The following PLXNA1 variants were observed in gnomAD, a reference collection of about 807,000 sequenced individuals.
The protein encoded by PLXNA1 is plexin A1.
Under a neutral mutation model 191.7 loss-of-function variants are expected in PLXNA1, and 77 were observed. That is an observed-to-expected ratio of 0.40 (90% confidence interval 0.33 to 0.49). PLXNA1 has a LOEUF of 0.49. Among genes scored for constraint, PLXNA1 ranks in the 20% least tolerant of loss-of-function variants. The probability of loss-of-function intolerance (pLI) is 0.63; values close to 1 mark genes in which losing one functional copy is unlikely to be tolerated. For synonymous variants in PLXNA1, 1,137 were observed against 1,156.4 expected (o/e 0.98, Z 0.34); for missense variants, 2,110 against 2,660.2 (o/e 0.79, Z 4.55).
intron 2 of PLXNA1, among the ~76,000 whole-genome samples, chr3:126,990,037 C>T (rs973731547): frequency 5.9e-5 from 9 of 152,250 alleles, no homozygotes; most frequent in South Asian, 2.1e-4. Context: ...GATGGGGTGA[C>T]GAGGCCCTGC....
rs1355260453 is a variant in PLXNA1, at chr3:127,032,813, T to C, written c.5572T>C (p.Tyr1858His). ...GAGCGCCTTGCACGAGATCTACTCC[T>C]ACATCACCAAGTACAAGGATGAGGT... ...SMSALHEIYSYITKYKDEILA... is the reference protein window; with the variant it reads ...SMSALHEIYSHITKYKDEILA... Residue 1858 changes from tyrosine (Y) to histidine (H), a missense_variant, in exon 31 of 32, where the codon TAC (tyrosine) becomes CAC (histidine). Physicochemically the swap from Tyr to His is moderately conservative, Grantham distance 83 (BLOSUM62 2). Transcript: ENST00000393409. 1.9e-6 allele frequency: 3 copies of C among 1,613,096 alleles called. No homozygotes were observed. The highest frequency in any genetic ancestry group is 1.3e-5 in the African/African-American group (1 of 74,940).
chr3:126,996,691 C>G (rs1380544153), intron 3 of PLXNA1, among the ~76,000 whole-genome samples: 1 of 152,190 alleles, frequency 6.6e-6, no homozygotes, highest in African/African-American at 2.4e-5. Context: ...GCTGCTGTCC[C>G]CCACCATTGA....
Position 127,003,441 on chromosome 3 carries a change from C to G in PLXNA1, c.1489C>G (p.Gln497Glu). The change falls in exon 4 of 32, where the codon CAG becomes GAG. Residue 497 changes from glutamine (Q) to glutamate (E), a missense_variant. Gln to Glu is a conservative substitution (Grantham distance 29). Coordinates refer to ENST00000393409, the MANE Select transcript of PLXNA1 (RefSeq NM_032242.4). ...LRDLVLSPNH[Q>E]YLYAMTEKQV... The stretch of plus-strand genomic sequence containing the variant: ...AGACCTCGTCCTCAGCCCCAACCAC[C>G]AGTACCTCTACGCCATGACCGAGAA... 1 of 1,611,518 alleles carries G rather than the reference C, an allele frequency of 6.2e-7. No individual in the cohort carries two copies. The highest frequency in any genetic ancestry group is 1.3e-5 in the African/African-American group (1 of 74,874).
intron 3 of PLXNA1, among the ~76,000 whole-genome samples, chr3:127,000,432 C>T (rs2079034588): frequency 6.6e-6 from 1 of 152,286 alleles, no homozygotes; most frequent in African/African-American, 2.4e-5. Context: ...GGCACGTGGG[C>T]TCCCGGCCGG....
At chr3:127,019,760 G>A (rs1245062615) in intron 20 of PLXNA1, among the ~76,000 whole-genome samples, 1 of 152,218 alleles carries the variant, frequency 6.6e-6, no homozygotes, top group Non-Finnish European at 1.5e-5. Flanking sequence ...CCTGAGCAGG[G>A]TGGGCCATGT....
chr3:127,029,819 G>T, intron 27 of PLXNA1, 55 bp from the exon 28 acceptor site: 1 of 1,490,778 alleles, frequency 6.7e-7, no homozygotes, highest in Non-Finnish European at 9.0e-7. Flanking sequence ...AAACAGGCTC[G>T]GGCGGGGGGT....
At chr3:126,994,490 G>T (rs1400612877) in intron 3 of PLXNA1, among the ~76,000 whole-genome samples, 2 of 150,644 alleles carry the variant, frequency 1.3e-5, no homozygotes, top group African/African-American at 4.9e-5. Context: ...CTGGGTTTGG[G>T]GTGAGGGGCC....
At chr3:127,015,978 C>T (rs2079121018) in intron 15 of PLXNA1, among the ~76,000 whole-genome samples, 1 of 152,164 alleles carries the variant, frequency 6.6e-6, no homozygotes, top group Admixed American at 6.5e-5. Context: ...AAGGTGTCTG[C>T]CTGGCCCAGG....
In PLXNA1 at chr3:127,032,852, G is replaced by T; in HGVS notation, c.5595+16G>T. ...CAAGGATGAGGTGAACACCGTGGGAGCCCACAGGCTGGGCTAGGAGGGCTT... is the reference window on the plus strand; with the variant it reads ...CAAGGATGAGGTGAACACCGTGGGATCCCACAGGCTGGGCTAGGAGGGCTT... On this transcript the variant is annotated intron_variant, in intron 31 of 31. Transcript: ENST00000393409. 1 of 1,610,780 alleles carries T rather than the reference G, an allele frequency of 6.2e-7. No individual in the cohort carries two copies. The highest frequency in any genetic ancestry group is 1.3e-5 in the African/African-American group (1 of 75,060).
At chr3:127,016,265 C>A (rs1011784236) in intron 15 of PLXNA1, among the ~76,000 whole-genome samples, 11 of 152,122 alleles carry the variant, frequency 7.2e-5, no homozygotes, top group African/African-American at 2.2e-4. Context: ...GAAAGCAGAC[C>A]TGGAGAGGCG....
At position 127,006,123 on chromosome 3, in the gene PLXNA1, G is replaced by C; in HGVS notation, c.1942G>C (p.Gly648Arg). The C allele has an allele frequency of 6.2e-7, 1 of 1,613,938 alleles. No homozygotes were observed. ...ACTCTACCTAAAGTCCAAGGAGACA[G>C]GGAAGAAGTTTGCGTCTGTGGACTT... ...VKLYLKSKET[G>R]KKFASVDFVF... Residue 648 changes from glycine (G) to arginine (R), a missense_variant, in exon 8 of 32, where the codon GGG (glycine) becomes CGG (arginine). Transcript: ENST00000393409.
At chr3:126,994,982 GC>G (rs1230332161) in intron 3 of PLXNA1, among the ~76,000 whole-genome samples, 3 of 152,026 alleles carry the variant, frequency 2.0e-5, no homozygotes, top group Non-Finnish European at 2.9e-5. Flanking sequence ...GGGACCCCCA[GC>G]CCACGCTTGA....
At position 126,988,578 on chromosome 3, in the gene PLXNA1, A is replaced by C. The variant is rs1490303631; in HGVS notation, c.-16A>C. The C allele has an allele frequency of 3.4e-6, 5 of 1,474,770 alleles. No individual in the cohort carries two copies. The Admixed American group carries it at 1.3e-4, about 37-fold the overall frequency. 91.4% of individuals were successfully genotyped at this position (1,474,770 alleles called of 1,614,324 possible). On this transcript the variant is annotated 5_prime_UTR_variant, in exon 2 of 32. Coordinates refer to ENST00000393409, the MANE Select transcript of PLXNA1 (RefSeq NM_032242.4). ...CAGCAGGACCAGAGCACCGAGGCCC[A>C]AGGCCCCAGCCTGCCATGCCGCTGC...
chr3:127,015,354 G>T, intron 15 of PLXNA1, 34 bp downstream of exon 15: 2 of 1,582,914 alleles, frequency 1.3e-6, no homozygotes, highest in Non-Finnish European at 8.6e-7. Flanking sequence ...GGGCCTGGCT[G>T]CCCCTCCTCC....
In PLXNA1 at chr3:126,988,840, G is replaced by T; in HGVS notation, c.247G>T (p.Ala83Ser). Residue 83 changes from alanine (A) to serine (S), a missense_variant, in exon 2 of 32, where the codon GCC (alanine) becomes TCC (serine). Coordinates refer to ENST00000393409, the MANE Select transcript of PLXNA1 (RefSeq NM_032242.4). ...GTCGGGGAACCTGACACTGCTGCGG[G>T]CCCACGTCACGGGCCCTGTGGAGGA... ...KLSGNLTLLR[A>S]HVTGPVEDNE... The T allele has an allele frequency of 6.2e-7, 1 of 1,613,432 alleles. No individual in the cohort carries two copies. The highest frequency in any genetic ancestry group is 8.5e-7 in the Non-Finnish European group (1 of 1,180,002).
chr3:127,021,550 A>G (rs558979528), intron 21 of PLXNA1, among the ~76,000 whole-genome samples: 1 of 152,200 alleles, frequency 6.6e-6, no homozygotes, highest in East Asian at 1.9e-4. Context: ...CCTGTCTCCA[A>G]CCTTGTGTCC....
chr3:127,013,772 G>A (rs961418398), intron 10 of PLXNA1, among the ~76,000 whole-genome samples: 1 of 152,218 alleles, frequency 6.6e-6, no homozygotes, highest in African/African-American at 2.4e-5. Context: ...CTCCAAGGGG[G>A]TGCCACAGAG....
chr3:127,022,742 TG>T lies in PLXNA1; in HGVS notation c.4296-9del. 6.2e-7 allele frequency: 1 copy of T among 1,613,394 alleles called. No homozygotes were observed. The highest frequency in any genetic ancestry group is 2.2e-5 in the East Asian group (1 of 44,876). On this transcript the variant is annotated splice_polypyrimidine_tract_variant and intron_variant, in intron 22 of 31. Coordinates refer to ENST00000393409, the MANE Select transcript of PLXNA1 (RefSeq NM_032242.4). ...ATGACACCACTCTGCCCATATTCTG[TG>T]CTCCCCAGGACTGAGTCGGTGGCAG...
chr3:127,026,805 A>G (rs1004639435), intron 23 of PLXNA1: 3 of 152,208 alleles, frequency 2.0e-5, no homozygotes, highest in African/African-American at 7.2e-5. Flanking sequence ...ACACACCTGA[A>G]GGCCCTTGGG....
Sources: gnomAD v4.1 joint callset for allele counts (sites outside exome capture counted in the v4.1 genomes callset) on GRCh38, gnomAD v4.1.1 for gene constraint, MANE v1.5 for transcripts, NCBI Gene and HGNC (gene_info 2026-07-23, HGNC 2026-07-21) for gene names.